RSRC1: variants seen among roughly 807,000 people sequenced by gnomAD.
RSRC1 encodes serine/Arginine-related protein 53.
In RSRC1, 39 loss-of-function variants were observed where a neutral mutation model predicts 49.1. The observed-to-expected ratio is 0.79, with a 90% CI of 0.61 to 1.04. The LOEUF (loss-of-function observed/expected upper bound fraction) is 1.04, where lower values mean the gene tolerates loss of function less well. Ranked by LOEUF, RSRC1 falls within the 50% of genes least tolerant of loss-of-function variation. The probability of loss-of-function intolerance (pLI) is 0.00; values close to 1 mark genes in which losing one functional copy is unlikely to be tolerated. For synonymous variants in RSRC1, 143 were observed against 130.8 expected (o/e 1.09, Z -0.63); for missense variants, 388 against 402.4 (o/e 0.96, Z 0.31).
chr3:158,257,705 CCT>C (rs1174588222), intron 4 of RSRC1, among the ~76,000 whole-genome samples: 2 of 151,898 alleles, frequency 1.3e-5, no homozygotes, highest in African/African-American at 2.4e-5. Flanking sequence ...TGTTTTGTGT[CCT>C]CTCTTCCATC....
At chr3:158,397,709 C>T (rs1477129524) in intron 6 of RSRC1, among the ~76,000 whole-genome samples, 1 of 151,874 alleles carries the variant, frequency 6.6e-6, no homozygotes, top group Admixed American at 6.6e-5. Context: ...TTCTTTCAAG[C>T]CCTCAAATTC....
At chr3:158,441,788 T>G (rs1736391073) in intron 6 of RSRC1, among the ~76,000 whole-genome samples, 1 of 152,106 alleles carries the variant, frequency 6.6e-6, no homozygotes, top group Non-Finnish European at 1.5e-5. Flanking sequence ...CTGTGAATCT[T>G]GTCACCATGG....
rs142352844 is a variant in RSRC1 at position 158,250,109 on chromosome 3, C to T, written c.494+46864C>T. On this transcript the variant is annotated intron_variant, in intron 4 of 9. Transcript: ENST00000611884. ...GGCTTATTTCACTTAACATAATGAC[C>T]GCCAGTTCCAGCTGTGTTATTGTAA... 1.2e-3 allele frequency among the ~76,000 whole-genome samples: 179 copies of T among 152,164 alleles called. 2 individuals are homozygous for T. The highest frequency in any genetic ancestry group is 4.0e-3 in the African/African-American group (167 of 41,504).
rs1578297637 is a variant in RSRC1, at chr3:158,291,656, A to G, written c.495-6383A>G. On this transcript the variant is annotated intron_variant, in intron 4 of 9. Coordinates refer to ENST00000611884, the MANE Select transcript of RSRC1 (RefSeq NM_001271838.2). ...TAATATTTTGACAAATGTAGATGCAAAATATTGATAGTAAGGGAAATTGCC... is the reference window on the plus strand; with the variant it reads ...TAATATTTTGACAAATGTAGATGCAGAATATTGATAGTAAGGGAAATTGCC... 2.0e-5 allele frequency among the ~76,000 whole-genome samples: 3 copies of G among 152,326 alleles called. No homozygotes were observed. In the South Asian group the frequency reaches 6.2e-4, roughly 32 times the overall value.
chr3:158,329,410 G>T (rs1038430829), intron 5 of RSRC1, among the ~76,000 whole-genome samples: 1 of 152,104 alleles, frequency 6.6e-6, no homozygotes, highest in Non-Finnish European at 1.5e-5. Flanking sequence ...TACAGTTGGG[G>T]TCTTGGTGTG....
chr3:158,333,997 A>G (rs77805306), intron 5 of RSRC1, among the ~76,000 whole-genome samples: 2,677 of 152,312 alleles, frequency 0.018, 67 homozygotes, highest in African/African-American at 0.061. Flanking sequence ...ACTGAATCCT[A>G]AAAGGGTCAG....
intron 5 of RSRC1, among the ~76,000 whole-genome samples, chr3:158,337,276 A>G (rs1190484958): frequency 6.6e-6 from 1 of 152,214 alleles, no homozygotes; most frequent in Non-Finnish European, 1.5e-5. Context: ...TCATGAAGAC[A>G]TTCATCATCT....
intron 6 of RSRC1, among the ~76,000 whole-genome samples, chr3:158,444,974 G>C (rs1237600101): frequency 3.3e-5 from 5 of 152,130 alleles, no homozygotes; most frequent in African/African-American, 9.7e-5. Context: ...ACACCAGTTA[G>C]AATGGCAATC....
At chr3:158,295,163 G>T (rs1486567875) in intron 4 of RSRC1, among the ~76,000 whole-genome samples, 1 of 152,060 alleles carries the variant, frequency 6.6e-6, no homozygotes, top group Non-Finnish European at 1.5e-5. Flanking sequence ...CAAGGAGAAG[G>T]TTTCCCCAAT....
chr3:158,329,063 C>T (rs565030183), intron 5 of RSRC1, among the ~76,000 whole-genome samples: 11 of 152,298 alleles, frequency 7.2e-5, no homozygotes, highest in Admixed American at 2.6e-4. Flanking sequence ...TCACATAGTT[C>T]TTGTGCCATG....
chr3:158,116,689 A>C, intron 1 of RSRC1, among the ~76,000 whole-genome samples: 1 of 152,110 alleles, frequency 6.6e-6, no homozygotes, highest in East Asian at 1.9e-4. Context: ...GAAAAAGGTA[A>C]ATAATGTTTT....
intron 5 of RSRC1, among the ~76,000 whole-genome samples, chr3:158,324,894 C>T (rs550593501): frequency 6.6e-5 from 10 of 152,114 alleles, no homozygotes; most frequent in Non-Finnish European, 1.0e-4. Flanking sequence ...CCAGCACCTG[C>T]TGTTTCCTGA....
chr3:158,504,668 C>T (rs77421202), intron 7 of RSRC1, among the ~76,000 whole-genome samples: 1,524 of 152,254 alleles, frequency 0.01, 17 homozygotes, highest in African/African-American at 0.035. Context: ...GAAAACAATG[C>T]TTATCTCACA....
At chr3:158,533,849 G>A (rs888778747) in intron 7 of RSRC1, among the ~76,000 whole-genome samples, 1 of 151,532 alleles carries the variant, frequency 6.6e-6, no homozygotes, top group Admixed American at 6.6e-5. Flanking sequence ...TATTATATAT[G>A]TAATTAATAA....
chr3:158,496,489 C>G (rs1159575096), intron 7 of RSRC1: 1 of 152,860 alleles, frequency 6.5e-6, no homozygotes, highest in Admixed American at 6.5e-5. Context: ...GTAATAGGGA[C>G]CCATGGAAAG....
At chr3:158,305,728 A>G (rs1378385061) in intron 5 of RSRC1, among the ~76,000 whole-genome samples, 1 of 152,092 alleles carries the variant, frequency 6.6e-6, no homozygotes, top group East Asian at 1.9e-4. Context: ...ACCATTTGCC[A>G]CTGAATAATA....
At chr3:158,168,643 A>G (rs1303581053) in intron 3 of RSRC1, among the ~76,000 whole-genome samples, 3 of 152,168 alleles carry the variant, frequency 2.0e-5, no homozygotes, top group African/African-American at 2.4e-5. Context: ...TTATTTTGTT[A>G]CTATTCGTTA....
At chr3:158,364,628 G>A (rs1731655396) in intron 6 of RSRC1, among the ~76,000 whole-genome samples, 2 of 151,888 alleles carry the variant, frequency 1.3e-5, no homozygotes, top group Admixed American at 6.6e-5. Context: ...AACACTTAGA[G>A]CAGTACCTGA....
At chr3:158,460,822 C>A in intron 6 of RSRC1, 113 bp from the exon 7 acceptor site, 1 of 528,770 alleles carries the variant, frequency 1.9e-6, no homozygotes, top group Non-Finnish European at 3.3e-6. Flanking sequence ...TTGTTTCTTT[C>A]TTGTGATTAC....
Sources: gnomAD v4.1 joint callset for allele counts (sites outside exome capture counted in the v4.1 genomes callset) on GRCh38, gnomAD v4.1.1 for gene constraint, MANE v1.5 for transcripts, NCBI Gene and HGNC (gene_info 2026-07-23, HGNC 2026-07-21) for gene names.